ZNF438: variants seen among roughly 807,000 people sequenced by gnomAD.
ZNF438 encodes the protein zinc finger protein 438.
ZNF438 carries 25 observed loss-of-function variants against 38.0 expected under a neutral mutation model. The ratio of observed to expected loss-of-function variants is 0.66; its 90% CI spans 0.48 to 0.92. The LOEUF is 0.92. Ranked by LOEUF, ZNF438 falls within the 40% of genes least tolerant of loss-of-function variation. The pLI is 0.00. For synonymous variants in ZNF438, 372 were observed against 364.1 expected, an observed-to-expected ratio of 1.02 and a Z score of -0.25; for missense variants, 1,007 against 999.6, an observed-to-expected ratio of 1.01 and a Z score of -0.10.
intron 3 of ZNF438, among the ~76,000 whole-genome samples, chr10:30,879,446 ATGAC>A (rs2038918191): frequency 6.6e-6 from 1 of 152,266 alleles, no homozygotes; most frequent in Admixed American, 6.5e-5. Context: ...AAAATTCATA[ATGAC>A]TGACATCTAA....
chr10:30,938,276 T>G (rs186875682), intron 2 of ZNF438, among the ~76,000 whole-genome samples: 2 of 151,826 alleles, frequency 1.3e-5, no homozygotes, highest in Non-Finnish European at 2.9e-5. Context: ...ATTTCCTCTA[T>G]AGCTCTTTTT....
intron 1 of ZNF438, among the ~76,000 whole-genome samples, chr10:30,947,913 C>A (rs111626789): frequency 1.7e-4 from 26 of 152,358 alleles, no homozygotes; most frequent in African/African-American, 5.8e-4. Context: ...CGCCCACTGT[C>A]TGGCACTCCC....
chr10:31,031,057 T>C (rs1689749133), intron 1 of ZNF438, among the ~76,000 whole-genome samples: 1 of 152,158 alleles, frequency 6.6e-6, no homozygotes, highest in Non-Finnish European at 1.5e-5. Context: ...TTCTATCAAG[T>C]TTAGTGACAA....
At chr10:30,879,146 A>G (rs1481032554) in intron 3 of ZNF438, among the ~76,000 whole-genome samples, 1 of 152,214 alleles carries the variant, frequency 6.6e-6, no homozygotes, top group Non-Finnish European at 1.5e-5. Flanking sequence ...CCCCAAGACC[A>G]GGGAAAGGTC....
chr10:30,846,687 C>G (rs958568074), intron 5 of ZNF438, among the ~76,000 whole-genome samples: 4 of 152,226 alleles, frequency 2.6e-5, no homozygotes, highest in Non-Finnish European at 5.9e-5. Context: ...CACCCCTGTG[C>G]TCTTGGAAGC....
chr10:30,848,471 C>T lies in ZNF438; in HGVS notation c.1874+60G>A, dbSNP rs535789010. Reference sequence around the variant, plus strand: ...CTCTCCTTTCTGAATATGAAATCTTCCCCTCTTCCCCAAATCAAAACAGAC... The same window carrying T: ...CTCTCCTTTCTGAATATGAAATCTTTCCCTCTTCCCCAAATCAAAACAGAC... On this transcript the variant is annotated intron_variant, in intron 5 of 5. Coordinates refer to ENST00000413025, the Ensembl canonical transcript of ZNF438. 217 of 1,533,282 alleles carry T rather than the reference C, an allele frequency of 1.4e-4. No homozygotes were observed. In the African/African-American group the frequency reaches 2.7e-3, roughly 19 times the overall value. The allele number at this position is 1,533,282 out of a possible 1,614,324, so 95.0% of individuals were successfully genotyped here. A position where few individuals can be genotyped will look rare whatever the true frequency, so the allele number is the denominator to read the frequency against.
chr10:30,938,342 A>G (rs2046470189), intron 2 of ZNF438, among the ~76,000 whole-genome samples: 2 of 151,624 alleles, frequency 1.3e-5, no homozygotes, highest in African/African-American at 4.8e-5. Flanking sequence ...CAATGGCACA[A>G]TCAGCTCACT....
chr10:30,864,275 G>C (rs937680146), intron 4 of ZNF438, among the ~76,000 whole-genome samples: 5 of 152,082 alleles, frequency 3.3e-5, no homozygotes, highest in Admixed American at 6.6e-5. Flanking sequence ...TGTACAAAAA[G>C]GTGCATCTGA....
At chr10:31,006,798 C>T (rs57133144) in intron 1 of ZNF438, among the ~76,000 whole-genome samples, 8,606 of 146,064 alleles carry the variant, frequency 0.059, 356 homozygotes, top group Non-Finnish European at 0.086. Context: ...AACTCCCACA[C>T]GTGTGATTAC....
exon 5 of ZNF438, chr10:30,849,173 C>G (rs1043788092): frequency 1.2e-6 from 2 of 1,614,006 alleles, no homozygotes; most frequent in Non-Finnish European, 1.7e-6. Flanking sequence ...TCTTTCTTTA[C>G]CATCTCTACA....
In ZNF438 at chr10:30,951,845, A is replaced by T. The variant is rs567919357; in HGVS notation, c.-191-10194T>A. Among the ~76,000 whole-genome samples, 630 of 151,606 alleles carry T rather than the reference A, an allele frequency of 4.2e-3. 5 individuals are homozygous for T. Among genetic ancestry groups the T allele is most frequent in the African/African-American group, 0.015 (610 of 41,452 alleles). On this transcript the variant is annotated intron_variant, in intron 1 of 5. Coordinates refer to ENST00000413025, the Ensembl canonical transcript of ZNF438. ...CTGCCCAAGGTAATTTACAGATTCA[A>T]TGCCATCCCCATCAAGCTACCAATG...
intron 2 of ZNF438, among the ~76,000 whole-genome samples, chr10:30,929,692 G>A (rs185997106): frequency 2.0e-4 from 31 of 152,314 alleles, no homozygotes; most frequent in Admixed American, 1.5e-3. Flanking sequence ...TTTACAGAGG[G>A]CTGACTGATC....
chr10:30,907,514 G>T (rs952053508), intron 3 of ZNF438, among the ~76,000 whole-genome samples: 1 of 152,130 alleles, frequency 6.6e-6, no homozygotes, highest in Non-Finnish European at 1.5e-5. Context: ...TGTGAAGGGG[G>T]AAATTTTTAA....
chr10:30,904,654 G>A (rs1008134805), intron 3 of ZNF438, among the ~76,000 whole-genome samples: 5 of 152,088 alleles, frequency 3.3e-5, no homozygotes, highest in Non-Finnish European at 5.9e-5. Context: ...CCTTCTTCTC[G>A]GACGCACCCT....
intron 1 of ZNF438, among the ~76,000 whole-genome samples, chr10:30,981,445 T>C (rs2052130619): frequency 6.6e-6 from 1 of 152,212 alleles, no homozygotes; most frequent in South Asian, 2.1e-4. Context: ...TAGGCACTTG[T>C]TCTGTCCGCC....
At chr10:31,007,773 T>C (rs1247561955) in intron 1 of ZNF438, among the ~76,000 whole-genome samples, 2 of 152,182 alleles carry the variant, frequency 1.3e-5, no homozygotes, top group African/African-American at 4.8e-5. Context: ...GTTCTATTAA[T>C]AGTAGAACAC....
intron 1 of ZNF438, among the ~76,000 whole-genome samples, chr10:31,020,368 G>A (rs1408244359): frequency 2.6e-5 from 4 of 152,160 alleles, no homozygotes; most frequent in Non-Finnish European, 4.4e-5. Context: ...AAAAAAGGAC[G>A]AATCAGGAGA....
At chr10:30,879,535 C>T (rs187004746) in intron 3 of ZNF438, among the ~76,000 whole-genome samples, 2 of 152,110 alleles carry the variant, frequency 1.3e-5, no homozygotes, top group Admixed American at 1.3e-4. Context: ...CTGAGCAGGA[C>T]TGACATATAT....
intron 1 of ZNF438, among the ~76,000 whole-genome samples, chr10:30,957,834 C>G (rs1044140699): frequency 6.7e-6 from 1 of 148,330 alleles, no homozygotes; most frequent in African/African-American, 2.4e-5. Context: ...AGGGTTTGGG[C>G]TGTTCTTTGA....
Sources: gnomAD v4.1 joint callset for allele counts (sites outside exome capture counted in the v4.1 genomes callset) on GRCh38, gnomAD v4.1.1 for gene constraint, MANE v1.5 for transcripts, NCBI Gene and HGNC (gene_info 2026-07-23, HGNC 2026-07-21) for gene names.